The following ADAM9 variants were observed in gnomAD, a reference collection of about 807,000 sequenced individuals.
The protein encoded by ADAM9 is disintegrin and metalloproteinase domain-containing protein 9.
In ADAM9, 54 loss-of-function variants were observed where a neutral mutation model predicts 108.1. The ratio of observed to expected loss-of-function variants is 0.50; its 90% CI spans 0.40 to 0.63. The LOEUF is 0.63. ADAM9 is among the 20% of genes least tolerant of loss of function. The probability of loss-of-function intolerance (pLI) is 0.00; values close to 1 mark genes in which losing one functional copy is unlikely to be tolerated. For missense variants in ADAM9, 830 were observed against 997.7 expected (o/e 0.83, Z 2.26); for synonymous variants, 316 against 336.0 (o/e 0.94, Z 0.65).
At chr8:39,000,365 G>A (rs943216782) in intron 1 of ADAM9, among the ~76,000 whole-genome samples, 6 of 152,154 alleles carry the variant, frequency 3.9e-5, no homozygotes, top group Non-Finnish European at 8.8e-5. Context: ...TTTGTATATT[G>A]AGAGATTATT....
chr8:39,076,475 A>G (rs937790980), intron 15 of ADAM9, among the ~76,000 whole-genome samples: 1 of 152,196 alleles, frequency 6.6e-6, no homozygotes, highest in African/African-American at 2.4e-5. Context: ...TGTAAATTAG[A>G]GATATTGGGA....
In ADAM9 at chr8:39,007,783, A is replaced by C. The variant is rs964518974; in HGVS notation, c.98-103A>C. 3.9e-6 allele frequency: 3 copies of C among 778,240 alleles called. No homozygotes were observed. The African/African-American group carries it at 5.2e-5, about 14-fold the overall frequency. The allele number at this position is 778,240 out of a possible 1,614,324, so 48.2% of individuals were successfully genotyped here. On this transcript the variant is annotated intron_variant, in intron 1 of 21. Transcript: ENST00000487273. ...ATGCATATTGTAATATGGGAATGTC[A>C]GGTGATTTTTCTGTGATTTGAACAT... is the stretch of plus-strand genomic sequence containing the variant.
intron 20 of ADAM9, among the ~76,000 whole-genome samples, chr8:39,101,156 T>A (rs892141730): frequency 2.6e-5 from 4 of 152,174 alleles, no homozygotes; most frequent in African/African-American, 9.7e-5. Flanking sequence ...TTACTGAATT[T>A]AAAAAAATAC....
chr8:39,087,238 A>C (rs1019805176), intron 18 of ADAM9, among the ~76,000 whole-genome samples: 5 of 151,622 alleles, frequency 3.3e-5, no homozygotes, highest in Admixed American at 1.3e-4. Context: ...TCTAAGGCTC[A>C]CATTTTTTTT....
intron 14 of ADAM9, among the ~76,000 whole-genome samples, chr8:39,064,877 T>A (rs1225921780): frequency 1.3e-5 from 2 of 152,352 alleles, no homozygotes; most frequent in East Asian, 3.9e-4. Context: ...TGTCTTCCAG[T>A]TTACAGAGTT....
chr8:39,026,549 T>C, intron 10 of ADAM9, 128 bp from the exon 11 acceptor site: 1 of 1,143,324 alleles, frequency 8.7e-7, no homozygotes, highest in Non-Finnish European at 1.3e-6. Flanking sequence ...TGTTGTTGGA[T>C]GCTTGATTTA....
intron 20 of ADAM9, among the ~76,000 whole-genome samples, chr8:39,099,807 A>G (rs1839626169): frequency 1.3e-5 from 2 of 150,926 alleles, no homozygotes; most frequent in Admixed American, 6.6e-5. Context: ...TGTAATCTTT[A>G]GCTTGTTTTC....
At chr8:39,086,166 C>T (rs1839174810) in intron 18 of ADAM9, among the ~76,000 whole-genome samples, 1 of 151,984 alleles carries the variant, frequency 6.6e-6, no homozygotes. Context: ...AGGCGTGTGC[C>T]ACCACGCCTG....
At chr8:39,064,790 G>A (rs28881563) in intron 14 of ADAM9, among the ~76,000 whole-genome samples, 13,249 of 152,160 alleles carry the variant, frequency 0.087, 927 homozygotes, top group African/African-American at 0.19. Context: ...GTGTGAAAAT[G>A]GTTTTATTTG....
At chr8:39,002,389 G>A (rs1836025772) in intron 1 of ADAM9, among the ~76,000 whole-genome samples, 2 of 150,126 alleles carry the variant, frequency 1.3e-5, no homozygotes, top group African/African-American at 4.9e-5. Context: ...CACAATCTGG[G>A]GTCACTGCAA....
chr8:39,079,594 A>AAT (rs1451422531), intron 16 of ADAM9, among the ~76,000 whole-genome samples: 15 of 142,196 alleles, frequency 1.1e-4, no homozygotes, highest in Non-Finnish European at 7.7e-5. Flanking sequence ...AATATCATGA[A>AAT]TTTTTTTTTT....
chr8:39,048,784 T>TA (rs1837857819), intron 12 of ADAM9, among the ~76,000 whole-genome samples: 1 of 152,136 alleles, frequency 6.6e-6, no homozygotes, highest in South Asian at 2.1e-4. Flanking sequence ...TTATTATTGT[T>TA]ATATCTTCCT....
chr8:39,096,627 G>A (rs946021112), intron 20 of ADAM9, among the ~76,000 whole-genome samples: 1 of 152,020 alleles, frequency 6.6e-6, no homozygotes, highest in African/African-American at 2.4e-5. Flanking sequence ...CATTATTATC[G>A]AGTTTTATAT....
At chr8:39,072,558 C>A (rs918880261) in intron 15 of ADAM9, among the ~76,000 whole-genome samples, 1 of 152,180 alleles carries the variant, frequency 6.6e-6, no homozygotes, top group South Asian at 2.1e-4. Flanking sequence ...CGTTTACTTC[C>A]GTGGCTTCAT....
chr8:39,035,444 G>A (rs190880355), intron 11 of ADAM9, among the ~76,000 whole-genome samples: 11 of 151,910 alleles, frequency 7.2e-5, no homozygotes, highest in Middle Eastern at 3.4e-3. Flanking sequence ...TTATCTGCTC[G>A]TTTTTTTCTT....
Position 39,104,672 on chromosome 8 carries a change from G to A in ADAM9, c.*972G>A, listed in dbSNP as rs993685063. On this transcript the variant is annotated 3_prime_UTR_variant, in exon 22 of 22. Coordinates refer to ENST00000487273, the MANE Select transcript of ADAM9 (RefSeq NM_003816.3). ...TGTTTACATTTACTAAGGTGTGCTGGGTCATGTAAAATATTAGACACTAAT... is the reference window on the plus strand; with the variant it reads ...TGTTTACATTTACTAAGGTGTGCTGAGTCATGTAAAATATTAGACACTAAT... 2.2e-6 allele frequency: 1 copy of A among 453,610 alleles called. No homozygotes were observed. The highest frequency in any genetic ancestry group is 4.4e-6 in the Non-Finnish European group (1 of 226,566). 28.1% of individuals were successfully genotyped at this position (453,610 alleles called of 1,614,324 possible).
At chr8:39,099,973 G>A (rs1211176840) in intron 20 of ADAM9, among the ~76,000 whole-genome samples, 1 of 145,914 alleles carries the variant, frequency 6.9e-6, no homozygotes, top group Non-Finnish European at 1.5e-5. Flanking sequence ...ACTGCCTCTC[G>A]GGTTCAAGCA....
At position 39,007,939 on chromosome 8, in the gene ADAM9, TTAAC is replaced by T; in HGVS notation, c.154_157del (p.Thr52GlufsTer51). Reference sequence around the variant, plus strand: ...TTATGAAATTATAACTCCTTGGAGATTAACTAGAGAAAGAAGAGAAGCCCCTAGG... The same window carrying T: ...TTATGAAATTATAACTCCTTGGAGATTAGAGAAAGAAGAGAAGCCCCTAGG... On this transcript the variant is annotated frameshift_variant, in exon 2 of 22. Transcript: ENST00000487273. LOFTEE classifies it high-confidence loss of function. 1 of 1,612,336 alleles carries T rather than the reference TTAAC, an allele frequency of 6.2e-7. No individual in the cohort carries two copies. The highest frequency in any genetic ancestry group is 1.3e-5 in the African/African-American group (1 of 75,032).
At chr8:39,039,965 T>C (rs1389178486) in intron 11 of ADAM9, among the ~76,000 whole-genome samples, 1 of 152,230 alleles carries the variant, frequency 6.6e-6, no homozygotes. Flanking sequence ...TTTTCCACAG[T>C]GGCTGCACCA....
Sources: allele counts gnomAD v4.1 joint callset (sites outside exome capture counted in the v4.1 genomes callset), GRCh38; gene constraint gnomAD v4.1.1; transcripts MANE v1.5; gene names NCBI Gene and HGNC (gene_info 2026-07-23, HGNC 2026-07-21).